Variants in ADAMTS18 observed in about 807,000 individuals in gnomAD.
ADAMTS18 encodes A disintegrin and metalloproteinase with thrombospondin motifs 18.
Under a neutral mutation model 165.9 loss-of-function variants are expected in ADAMTS18, and 157 were observed. The observed-to-expected ratio is 0.95, with a 90% confidence interval of 0.83 to 1.08. ADAMTS18 has a LOEUF of 1.08. ADAMTS18 is among the 50% of genes least tolerant of loss of function. The pLI, the probability that ADAMTS18 is intolerant of heterozygous loss-of-function variation, is 0.00. For missense variants in ADAMTS18, 2,040 were observed against 1,534.0 expected (o/e 1.33, Z -5.51); for synonymous variants, 782 against 578.2 (o/e 1.35, Z -5.06).
chr16:77,294,979 G>T lies in ADAMTS18; in HGVS notation c.2950C>A (p.Gln984Lys). ...LCPVSTPTQV[Q>K]ACNSHACPPQ... ...GGGCAGGCATGGCTGTTGCAGGCTT[G>T]GACCTGAGTGGGTGTGCTCACTGGA... Residue 984 changes from glutamine (Q) to lysine (K), a missense_variant, in exon 19 of 23, where the codon CAA becomes AAA. Gln to Lys is a moderately conservative substitution (Grantham distance 53, BLOSUM62 1). Coordinates refer to ENST00000282849, the MANE Select transcript of ADAMTS18 (RefSeq NM_199355.4). 6.2e-7 allele frequency: 1 copy of T among 1,614,136 alleles called. No homozygotes were observed.
chr16:77,352,218 C>T (rs1016201624), intron 10 of ADAMTS18, among the ~76,000 whole-genome samples: 11 of 151,998 alleles, frequency 7.2e-5, no homozygotes, highest in East Asian at 5.8e-4. Context: ...ATTATTTCTT[C>T]GGACTGGAGT....
chr16:77,338,449 G>A (rs567185941), intron 11 of ADAMTS18, among the ~76,000 whole-genome samples: 1 of 151,620 alleles, frequency 6.6e-6, no homozygotes, highest in Non-Finnish European at 1.5e-5. Flanking sequence ...GTTGACCAGT[G>A]TAGTCTCGAA....
intron 7 of ADAMTS18, 86 bp downstream of exon 7, chr16:77,362,019 C>T (rs2056721992): frequency 1.4e-6 from 2 of 1,424,422 alleles, no homozygotes; most frequent in African/African-American, 2.8e-5. Context: ...TATTAAGGAA[C>T]ATAAGGGCTA....
chr16:77,424,658 C>T (rs775210120), intron 3 of ADAMTS18, among the ~76,000 whole-genome samples: 5 of 152,108 alleles, frequency 3.3e-5, no homozygotes, highest in Non-Finnish European at 5.9e-5. Context: ...TAATTCTCTT[C>T]ACAAATCATG....
chr16:77,392,044 T>C (rs1404338688), intron 3 of ADAMTS18, among the ~76,000 whole-genome samples: 4 of 151,640 alleles, frequency 2.6e-5, no homozygotes, highest in African/African-American at 9.8e-5. Flanking sequence ...AGACGCCCAG[T>C]CATTGTGCAG....
intron 3 of ADAMTS18, among the ~76,000 whole-genome samples, chr16:77,424,042 A>G (rs2057639177): frequency 6.6e-6 from 1 of 152,166 alleles, no homozygotes; most frequent in African/African-American, 2.4e-5. Flanking sequence ...AATCTTCACA[A>G]TCTTATGAGA....
intron 3 of ADAMTS18, among the ~76,000 whole-genome samples, chr16:77,389,188 C>A (rs2057151589): frequency 6.6e-6 from 1 of 152,106 alleles, no homozygotes; most frequent in South Asian, 2.1e-4. Context: ...GTGGTCTCAG[C>A]TAGTCAAGAA....
chr16:77,384,564 A>G (rs1318855492), intron 3 of ADAMTS18, among the ~76,000 whole-genome samples: 2 of 152,174 alleles, frequency 1.3e-5, no homozygotes, highest in African/African-American at 4.8e-5. Flanking sequence ...ACTTCTGTAC[A>G]TTGGGGAACG....
At chr16:77,389,957 C>T (rs2057163519) in intron 3 of ADAMTS18, among the ~76,000 whole-genome samples, 1 of 152,136 alleles carries the variant, frequency 6.6e-6, no homozygotes, top group Non-Finnish European at 1.5e-5. Flanking sequence ...ATTAGCAAAA[C>T]TGATGTTCAG....
intron 12 of ADAMTS18, among the ~76,000 whole-genome samples, chr16:77,334,776 ATAG>A (rs2056273163): frequency 9.4e-6 from 1 of 106,828 alleles, no homozygotes; most frequent in Non-Finnish European, 1.8e-5. Context: ...TATATATACT[ATAG>A]TATACAGTAA....
Position 77,400,485 on chromosome 16 carries a change from GT to G in ADAMTS18, c.495+30809del, listed in dbSNP as rs71137813. ...GTGTGTGTGTGTGTGTGTGTGTTTTGTTTTTTTTTTTTTTGAGACGGAGTCT... is the reference window on the plus strand; with the variant it reads ...GTGTGTGTGTGTGTGTGTGTGTTTTGTTTTTTTTTTTTTGAGACGGAGTCT... On this transcript the variant is annotated intron_variant, in intron 3 of 22. Transcript: ENST00000282849. Among the ~76,000 whole-genome samples, 1,100 of 114,638 alleles carry G rather than the reference GT, an allele frequency of 9.6e-3. 11 individuals carry two copies. The highest frequency in any genetic ancestry group is 0.015 in the African/African-American group (453 of 30,656). 75.2% of individuals were successfully genotyped at this position (114,638 alleles called of 152,430 possible). A position where few individuals can be genotyped will look rare whatever the true frequency, so the allele number is the denominator to read the frequency against.
intron 13 of ADAMTS18, among the ~76,000 whole-genome samples, chr16:77,324,945 G>T (rs1454307178): frequency 6.6e-6 from 1 of 152,106 alleles, no homozygotes. Flanking sequence ...CCACATCAGT[G>T]CTCCTGAAAT....
intron 3 of ADAMTS18, among the ~76,000 whole-genome samples, chr16:77,391,491 C>CAAA (rs35087282): frequency 4.4e-4 from 59 of 133,210 alleles, no homozygotes; most frequent in African/African-American, 1.0e-3. Flanking sequence ...GACTCAGTCT[C>CAAA]AAAAAAAAAA....
chr16:77,365,402 A>G (rs1244721145), intron 4 of ADAMTS18, among the ~76,000 whole-genome samples: 1 of 152,234 alleles, frequency 6.6e-6, no homozygotes, highest in Non-Finnish European at 1.5e-5. Flanking sequence ...AATAGTGGGC[A>G]TGTCTTAAAC....
intron 16 of ADAMTS18, among the ~76,000 whole-genome samples, chr16:77,311,909 G>A (rs2055788460): frequency 1.3e-5 from 2 of 152,064 alleles, no homozygotes; most frequent in South Asian, 4.1e-4. Context: ...CAATAGCCAG[G>A]CAAACATGAC....
chr16:77,326,009 C>T lies in ADAMTS18; in HGVS notation c.1889G>A (p.Gly630Asp). ...GCACAGCTGATAAATACGGCTAGAACCTGGACAGAATAAGCCACCATACTG... is the reference window on the plus strand; with the variant it reads ...GCACAGCTGATAAATACGGCTAGAATCTGGACAGAATAAGCCACCATACTG... ...KPQYGGLFCPGSSRIYQLCNI... is the reference protein window; with the variant it reads ...KPQYGGLFCPDSSRIYQLCNI... The change falls in exon 13 of 23, where the codon GGT becomes GAT. Residue 630 changes from glycine (G) to aspartate (D), a missense_variant. Gly to Asp is a moderately conservative substitution (Grantham distance 94). Transcript: ENST00000282849. The T allele has an allele frequency of 1.2e-6, 2 of 1,613,898 alleles. No individual in the cohort carries two copies. Among genetic ancestry groups the T allele is most frequent in the Non-Finnish European group, 1.7e-6 (2 of 1,179,942 alleles).
intron 12 of ADAMTS18, among the ~76,000 whole-genome samples, chr16:77,327,997 A>T (rs184341109): frequency 5.4e-4 from 82 of 152,218 alleles, no homozygotes; most frequent in African/African-American, 1.9e-3. Flanking sequence ...GAGGGAAAAC[A>T]TTCTCTTGTT....
intron 22 of ADAMTS18, among the ~76,000 whole-genome samples, chr16:77,288,307 C>T (rs2055294314): frequency 6.6e-6 from 1 of 152,076 alleles, no homozygotes; most frequent in African/African-American, 2.4e-5. Context: ...CACTGATAGT[C>T]TGGAAGAACA....
At chr16:77,407,354 T>C (rs1231142173) in intron 3 of ADAMTS18, among the ~76,000 whole-genome samples, 1 of 152,234 alleles carries the variant, frequency 6.6e-6, no homozygotes, top group East Asian at 1.9e-4. Flanking sequence ...CCAAATTAGA[T>C]GTACCATGTT....
Sources: allele counts gnomAD v4.1 joint callset (sites outside exome capture counted in the v4.1 genomes callset), GRCh38; gene constraint gnomAD v4.1.1; transcripts MANE v1.5; gene names NCBI Gene and HGNC (gene_info 2026-07-23, HGNC 2026-07-21).